The following PLD5 variants were observed in gnomAD, a reference collection of about 807,000 sequenced individuals.
PLD5 encodes inactive phospholipase D5.
In PLD5, 36 loss-of-function variants were observed where a neutral mutation model predicts 61.1. That is an observed-to-expected ratio of 0.59 (90% CI 0.45 to 0.78). The LOEUF is 0.78. PLD5 is among the 30% of genes least tolerant of loss of function. The probability of loss-of-function intolerance (pLI) is 0.00; values close to 1 mark genes in which losing one functional copy is unlikely to be tolerated. For missense variants in PLD5, 515 were observed against 644.4 expected (o/e 0.80, Z 2.17); for synonymous variants, 243 against 242.8 (o/e 1.00, Z -0.01).
At chr1:242,246,478 AACACACACACACACAC>A (rs34723926) in intron 4 of PLD5, among the ~76,000 whole-genome samples, 4 of 141,106 alleles carry the variant, frequency 2.8e-5, no homozygotes, top group Non-Finnish European at 6.1e-5. Flanking sequence ...TAGAAAAGAC[AACACACACACACACAC>A]ACACACACAC....
intron 5 of PLD5, chr1:242,178,454 A>T (rs923812072): frequency 2.0e-5 from 3 of 151,880 alleles, no homozygotes; most frequent in Admixed American, 6.6e-5. Flanking sequence ...TATCATGAGA[A>T]TTTTTCTTCA....
intron 5 of PLD5, among the ~76,000 whole-genome samples, chr1:242,173,847 G>A (rs1574451067): frequency 6.6e-6 from 1 of 152,168 alleles, no homozygotes; most frequent in Non-Finnish European, 1.5e-5. Flanking sequence ...CTAGCCATAT[G>A]TAGAAAGCTG....
At position 242,503,667 on chromosome 1, in the gene PLD5, G is replaced by A. The variant is rs557304774; in HGVS notation, c.189+20421C>T. Among the ~76,000 whole-genome samples the A allele has an allele frequency of 1.7e-4, 26 of 152,264 alleles. No individual in the cohort carries two copies. The South Asian group carries it at 2.7e-3, about 16-fold the overall frequency. ...GCCAGCAACTGGTTTAGGAATAGCC[G>A]TATGGAACTCTTTGGCCAATGATGG... On this transcript the variant is annotated intron_variant, in intron 1 of 9. Transcript: ENST00000536534.
chr1:242,166,958 A>G (rs1666345625), intron 5 of PLD5, among the ~76,000 whole-genome samples: 1 of 152,084 alleles, frequency 6.6e-6, no homozygotes, highest in Non-Finnish European at 1.5e-5. Flanking sequence ...TGATAAAATG[A>G]AAGTTCCAAA....
intron 5 of PLD5, among the ~76,000 whole-genome samples, chr1:242,163,795 A>G (rs1158886540): frequency 6.6e-6 from 1 of 151,450 alleles, no homozygotes; most frequent in African/African-American, 2.5e-5. Flanking sequence ...AGAAGAGAAG[A>G]TGATCAAAGA....
chr1:242,302,961 GATTCTTATATATGAA>G (rs1317348552), intron 2 of PLD5, among the ~76,000 whole-genome samples: 2 of 152,118 alleles, frequency 1.3e-5, no homozygotes, highest in Non-Finnish European at 2.9e-5. Context: ...CATGGGTTGG[GATTCTTATATATGAA>G]ATTCTCCTGG....
chr1:242,402,527 T>C (rs191360438), intron 1 of PLD5, among the ~76,000 whole-genome samples: 8 of 152,354 alleles, frequency 5.3e-5, no homozygotes, highest in Admixed American at 4.6e-4. Flanking sequence ...CAATATTTAC[T>C]AATTCATCAG....
At chr1:242,370,021 A>T (rs1333981243) in intron 1 of PLD5, among the ~76,000 whole-genome samples, 2 of 152,174 alleles carry the variant, frequency 1.3e-5, no homozygotes, top group African/African-American at 4.8e-5. Context: ...TTCTGGGAGT[A>T]GAACACTGGT....
At chr1:242,407,539 G>GTTT in intron 1 of PLD5, among the ~76,000 whole-genome samples, 1 of 136,864 alleles carries the variant, frequency 7.3e-6, no homozygotes, top group Non-Finnish European at 1.5e-5. Context: ...CAAATACATA[G>GTTT]TTTTTTTGTT....
At chr1:242,375,381 G>A (rs1661888387) in intron 1 of PLD5, among the ~76,000 whole-genome samples, 1 of 152,200 alleles carries the variant, frequency 6.6e-6, no homozygotes, top group African/African-American at 2.4e-5. Context: ...TGCTGGCTCT[G>A]CAAGGGCATC....
chr1:242,471,299 C>CTGG (rs1176474139), intron 1 of PLD5, among the ~76,000 whole-genome samples: 1 of 152,024 alleles, frequency 6.6e-6, no homozygotes, highest in African/African-American at 2.4e-5. Context: ...AAAATCAGTG[C>CTGG]TGGTTACTCT....
chr1:242,209,143 C>T (rs1027290852), intron 5 of PLD5: 2 of 152,248 alleles, frequency 1.3e-5, no homozygotes, highest in African/African-American at 2.4e-5. Flanking sequence ...TCTTTTCTTT[C>T]GGCTTCACAC....
intron 5 of PLD5, among the ~76,000 whole-genome samples, chr1:242,179,202 C>T (rs316873): frequency 0.13 from 19,278 of 150,806 alleles, 1,765 homozygotes; most frequent in East Asian, 0.43. Flanking sequence ...TCAAAACATT[C>T]CAAACCCTAG....
intron 1 of PLD5, among the ~76,000 whole-genome samples, chr1:242,510,722 G>A (rs1668879454): frequency 6.6e-6 from 1 of 152,130 alleles, no homozygotes; most frequent in African/African-American, 2.4e-5. Flanking sequence ...GCAGGCGCCT[G>A]TAGTCCCAGC....
chr1:242,438,455 T>G (rs1242552608), intron 1 of PLD5, among the ~76,000 whole-genome samples: 3 of 148,140 alleles, frequency 2.0e-5, no homozygotes, highest in Middle Eastern at 3.4e-3. Context: ...TTTTTTTTTT[T>G]TTTTTTGAGA....
Position 242,505,896 on chromosome 1 carries a change from A to G in PLD5, c.189+18192T>C, listed in dbSNP as rs571764100. Among the ~76,000 whole-genome samples, 4 of 152,386 alleles carry G rather than the reference A, an allele frequency of 2.6e-5. No homozygotes were observed. In the South Asian group the frequency reaches 6.2e-4, roughly 24 times the overall value. ...ATGGTGTAATAAAAGCAGTGCAAGCACAAGTGTAGGAGTTGAAAATGAAAA... is the reference window on the plus strand; with the variant it reads ...ATGGTGTAATAAAAGCAGTGCAAGCGCAAGTGTAGGAGTTGAAAATGAAAA... On this transcript the variant is annotated intron_variant, in intron 1 of 9. Transcript: ENST00000536534.
At chr1:242,509,075 C>T (rs901764879) in intron 1 of PLD5, among the ~76,000 whole-genome samples, 1 of 151,620 alleles carries the variant, frequency 6.6e-6, no homozygotes, top group Non-Finnish European at 1.5e-5. Flanking sequence ...AGCAAGACTC[C>T]GTCTCAAAAT....
At position 242,134,385 on chromosome 1, in the gene PLD5, G is replaced by GTT. The variant is rs566378859; in HGVS notation, c.736-9722_736-9721dup. ...GGAAGACTGGGTGATGTAGCCTTCA[G>GTT]TTTTTTTTTTTTTTTAATAAATAAT... On this transcript the variant is annotated intron_variant, in intron 5 of 9. Transcript: ENST00000536534. Among the ~76,000 whole-genome samples, 92 of 79,788 alleles carry GTT rather than the reference G, an allele frequency of 1.2e-3. No individual in the cohort carries two copies. In the South Asian group the frequency reaches 0.014, roughly 12 times the overall value. 52.3% of individuals were successfully genotyped at this position (79,788 alleles called of 152,430 possible). A position where few individuals can be genotyped will look rare whatever the true frequency, so the allele number is the denominator to read the frequency against.
intron 1 of PLD5, among the ~76,000 whole-genome samples, chr1:242,499,967 A>G (rs959677394): frequency 2.6e-5 from 4 of 152,154 alleles, no homozygotes; most frequent in Non-Finnish European, 4.4e-5. Flanking sequence ...GGGATGGCTG[A>G]CCACAGTGCT....
Sources: allele counts gnomAD v4.1 joint callset (sites outside exome capture counted in the v4.1 genomes callset), GRCh38; gene constraint gnomAD v4.1.1; transcripts MANE v1.5; gene names NCBI Gene and HGNC (gene_info 2026-07-23, HGNC 2026-07-21).